The following SLC24A3 variants were observed in gnomAD, a reference collection of about 807,000 sequenced individuals.
SLC24A3 encodes sodium/potassium/calcium exchanger 3.
SLC24A3 carries 28 observed loss-of-function variants against 75.8 expected under a neutral mutation model. That is an observed-to-expected ratio of 0.37 (90% CI 0.27 to 0.51). The LOEUF is 0.51. Among genes scored for constraint, SLC24A3 ranks in the 20% least tolerant of loss-of-function variants. SLC24A3 has a pLI of 0.94. For missense variants in SLC24A3, 663 were observed against 847.8 expected (o/e 0.78, Z 2.71); for synonymous variants, 372 against 334.1 (o/e 1.11, Z -1.24).
intron 3 of SLC24A3, among the ~76,000 whole-genome samples, chr20:19,518,325 C>T (rs983404322): frequency 6.6e-6 from 1 of 152,182 alleles, no homozygotes; most frequent in South Asian, 2.1e-4. Context: ...ATGCTCAGGA[C>T]ATGGCTTCAC....
chr20:19,515,364 A>T, intron 2 of SLC24A3, 124 bp from the exon 3 acceptor site: 1 of 939,656 alleles, frequency 1.1e-6, no homozygotes, highest in Non-Finnish European at 1.7e-6. Flanking sequence ...TTGTGAACTT[A>T]AAGATTCAGG....
intron 1 of SLC24A3, among the ~76,000 whole-genome samples, chr20:19,268,116 C>A (rs904256240): frequency 9.2e-5 from 14 of 152,190 alleles, no homozygotes; most frequent in Admixed American, 5.2e-4. Flanking sequence ...ATGTAAGGTG[C>A]ATCATGCTGT....
chr20:19,214,968 C>T (rs1050359990), intron 1 of SLC24A3, among the ~76,000 whole-genome samples: 1 of 152,164 alleles, frequency 6.6e-6, no homozygotes, highest in African/African-American at 2.4e-5. Flanking sequence ...AAGGAGGATG[C>T]CAGCCAGCCT....
intron 2 of SLC24A3, among the ~76,000 whole-genome samples, chr20:19,433,821 G>A (rs1435517477): frequency 6.6e-6 from 1 of 152,156 alleles, no homozygotes; most frequent in South Asian, 2.1e-4. Flanking sequence ...GGTTTAAAAG[G>A]ACTCACATTC....
intron 2 of SLC24A3, among the ~76,000 whole-genome samples, chr20:19,379,714 C>T (rs1986149769): frequency 6.6e-6 from 1 of 152,168 alleles, no homozygotes; most frequent in African/African-American, 2.4e-5. Context: ...TCCCCTCCTC[C>T]CTCCAGGCCA....
At chr20:19,380,153 G>C (rs1208256832) in intron 2 of SLC24A3, among the ~76,000 whole-genome samples, 1 of 152,186 alleles carries the variant, frequency 6.6e-6, no homozygotes, top group East Asian at 1.9e-4. Context: ...TGGCACAACA[G>C]GTCTAGGGGT....
chr20:19,474,658 TG>T (rs1371872256), intron 2 of SLC24A3, among the ~76,000 whole-genome samples: 1 of 152,188 alleles, frequency 6.6e-6, no homozygotes, highest in African/African-American at 2.4e-5. Context: ...TTTTGATATA[TG>T]TGTATATTAG....
At chr20:19,360,610 T>C (rs998739353) in intron 2 of SLC24A3, among the ~76,000 whole-genome samples, 8 of 152,220 alleles carry the variant, frequency 5.3e-5, no homozygotes, top group Non-Finnish European at 1.0e-4. Context: ...TGTCTTGGTA[T>C]CTTAACATGT....
At chr20:19,399,473 AATTTCTCTTAGAATTCTTCTT>A (rs1377837764) in intron 2 of SLC24A3, among the ~76,000 whole-genome samples, 1 of 152,172 alleles carries the variant, frequency 6.6e-6, no homozygotes. Flanking sequence ...AAATATTTCT[AATTTCTCTTAGAATTCTTCTT>A]TGACAAATTG....
chr20:19,531,461 C>T (rs1343410950), intron 3 of SLC24A3, among the ~76,000 whole-genome samples: 4 of 152,154 alleles, frequency 2.6e-5, no homozygotes, highest in African/African-American at 9.7e-5. Context: ...TTGACTGGAG[C>T]CCACTGTTTG....
intron 3 of SLC24A3, among the ~76,000 whole-genome samples, chr20:19,577,344 C>T (rs112703204): frequency 0.032 from 4,819 of 152,276 alleles, 128 homozygotes; most frequent in South Asian, 0.092. Flanking sequence ...CATGAGCCAC[C>T]GTGCCCGTTA....
intron 6 of SLC24A3, among the ~76,000 whole-genome samples, chr20:19,645,691 A>G (rs141031203): frequency 6.6e-6 from 1 of 152,172 alleles, no homozygotes; most frequent in Non-Finnish European, 1.5e-5. Flanking sequence ...TGCAATGTAC[A>G]CTTTAGCAAC....
intron 9 of SLC24A3, among the ~76,000 whole-genome samples, chr20:19,674,995 A>G (rs2032507618): frequency 6.6e-6 from 1 of 152,216 alleles, no homozygotes; most frequent in Admixed American, 6.5e-5. Context: ...GGTTGCAATG[A>G]GCTGAGATCG....
chr20:19,228,388 C>T (rs1358590731), intron 1 of SLC24A3, among the ~76,000 whole-genome samples: 1 of 151,992 alleles, frequency 6.6e-6, no homozygotes, highest in African/African-American at 2.4e-5. Flanking sequence ...GCCTGTAATC[C>T]CAGCACTTTC....
chr20:19,550,859 G>A (rs577644567), intron 3 of SLC24A3, among the ~76,000 whole-genome samples: 11 of 152,358 alleles, frequency 7.2e-5, no homozygotes, highest in African/African-American at 2.6e-4. Flanking sequence ...AAGCCAGGCA[G>A]TAATGAAGAG....
At chr20:19,269,834 A>C (rs1005886209) in intron 1 of SLC24A3, among the ~76,000 whole-genome samples, 1 of 152,204 alleles carries the variant, frequency 6.6e-6, no homozygotes, top group Non-Finnish European at 1.5e-5. Flanking sequence ...GTATAATAAT[A>C]GTTGAGACCC....
chr20:19,459,269 C>A (rs1987631069), intron 2 of SLC24A3, among the ~76,000 whole-genome samples: 1 of 152,158 alleles, frequency 6.6e-6, no homozygotes, highest in South Asian at 2.1e-4. Flanking sequence ...GTTATAGTCA[C>A]AAGTATCTTC....
intron 3 of SLC24A3, among the ~76,000 whole-genome samples, chr20:19,553,951 A>T (rs1296550932): frequency 6.6e-6 from 1 of 152,216 alleles, no homozygotes; most frequent in Non-Finnish European, 1.5e-5. Context: ...AGAGTTTGTC[A>T]AAAGGAGGAA....
At chr20:19,293,417 AG>A (rs1983987578) in intron 2 of SLC24A3, among the ~76,000 whole-genome samples, 1 of 151,936 alleles carries the variant, frequency 6.6e-6, no homozygotes, top group Non-Finnish European at 1.5e-5. Flanking sequence ...GCATTTTGGG[AG>A]GCTGAGGTGG....
Sources: allele counts gnomAD v4.1 joint callset (sites outside exome capture counted in the v4.1 genomes callset), GRCh38; gene constraint gnomAD v4.1.1; transcripts MANE v1.5; gene names NCBI Gene and HGNC (gene_info 2026-07-23, HGNC 2026-07-21).